Variants in SNTG2 observed in about 807,000 individuals in gnomAD.
The protein encoded by SNTG2 is syntrophin gamma 2, also known as gamma-2-syntrophin.
Under a neutral mutation model 70.9 loss-of-function variants are expected in SNTG2, and 74 were observed. The observed-to-expected ratio is 1.04, with a 90% confidence interval of 0.86 to 1.27. SNTG2 has a LOEUF of 1.27. Among genes scored for constraint, SNTG2 ranks in the 50% most tolerant of loss-of-function variants. The pLI is 0.00. For missense variants in SNTG2, 717 were observed against 690.7 expected (o/e 1.04, Z -0.43); for synonymous variants, 278 against 273.8 (o/e 1.02, Z -0.15).
chr2:1,274,856 G>A (rs1679206074), intron 14 of SNTG2, among the ~76,000 whole-genome samples: 1 of 152,214 alleles, frequency 6.6e-6, no homozygotes. Flanking sequence ...TAGTGTTGCT[G>A]TAACAGAATA....
At chr2:979,641 C>T (rs1484903173) in intron 1 of SNTG2, among the ~76,000 whole-genome samples, 4 of 152,176 alleles carry the variant, frequency 2.6e-5, no homozygotes, top group African/African-American at 9.7e-5. Flanking sequence ...AAAGTTGCTT[C>T]ATTGTCTCTG....
At chr2:1,256,792 C>G (rs1250449807) in intron 12 of SNTG2, among the ~76,000 whole-genome samples, 1 of 152,050 alleles carries the variant, frequency 6.6e-6, no homozygotes, top group Non-Finnish European at 1.5e-5. Context: ...GTCACCTGAG[C>G]TGCGTGTCAG....
chr2:1,155,968 G>A (rs1669867004), intron 6 of SNTG2, among the ~76,000 whole-genome samples: 2 of 152,136 alleles, frequency 1.3e-5, no homozygotes, highest in South Asian at 4.1e-4. Flanking sequence ...CAGACAGAGG[G>A]GACACCCAGA....
At chr2:1,084,990 C>A (rs1572393728) in intron 2 of SNTG2, among the ~76,000 whole-genome samples, 1 of 152,190 alleles carries the variant, frequency 6.6e-6, no homozygotes, top group African/African-American at 2.4e-5. Context: ...TTGGGGGAGA[C>A]ACAGACATCC....
At chr2:1,162,539 G>T (rs1004715493) in intron 6 of SNTG2, among the ~76,000 whole-genome samples, 1 of 152,126 alleles carries the variant, frequency 6.6e-6, no homozygotes, top group Non-Finnish European at 1.5e-5. Context: ...TCACTTGCTG[G>T]GAGGTGGCTG....
chr2:1,337,866 G>T (rs1176986007), intron 16 of SNTG2, among the ~76,000 whole-genome samples: 1 of 151,898 alleles, frequency 6.6e-6, no homozygotes, highest in African/African-American at 2.4e-5. Context: ...ATTCATTTGG[G>T]GTTAATTTTT....
chr2:1,154,652 C>T (rs900598665), intron 6 of SNTG2, among the ~76,000 whole-genome samples: 1 of 152,064 alleles, frequency 6.6e-6, no homozygotes, highest in African/African-American at 2.4e-5. Context: ...TCATCAAATA[C>T]CACCGCATGT....
intron 1 of SNTG2, among the ~76,000 whole-genome samples, chr2:1,067,898 G>T (rs947852625): frequency 1.1e-4 from 16 of 152,270 alleles, no homozygotes; most frequent in Non-Finnish European, 4.4e-5. Flanking sequence ...GGGAGGAAGT[G>T]CAGGCTTATG....
intron 4 of SNTG2, among the ~76,000 whole-genome samples, chr2:1,129,730 T>C (rs1442180755): frequency 6.6e-6 from 1 of 152,208 alleles, no homozygotes; most frequent in Non-Finnish European, 1.5e-5. Context: ...CTGGTTGTCA[T>C]GGTGTTGAGT....
intron 1 of SNTG2, among the ~76,000 whole-genome samples, chr2:975,309 C>G (rs934632539): frequency 1.3e-5 from 2 of 151,376 alleles, no homozygotes; most frequent in African/African-American, 4.9e-5. Flanking sequence ...TGAGCAAACA[C>G]TATACATTTG....
In SNTG2 at chr2:1,278,495, T is replaced by TA. The variant is rs145428706; in HGVS notation, c.1284+10925dup. On this transcript the variant is annotated intron_variant, in intron 14 of 16. Transcript: ENST00000308624. ...TGGAGGACAGGAGGTGCTAGTGAGG[T>TA]ATGTTGTTACCTGACCATCTGCTAA... is the stretch of plus-strand genomic sequence containing the variant. 4.9e-4 allele frequency among the ~76,000 whole-genome samples: 75 copies of TA among 152,288 alleles called. 1 individual carries two copies. In the East Asian group the frequency reaches 0.014, roughly 29 times the overall value.
intron 13 of SNTG2, among the ~76,000 whole-genome samples, chr2:1,263,451 C>A (rs1319181210): frequency 6.6e-6 from 1 of 151,386 alleles, no homozygotes; most frequent in Non-Finnish European, 1.5e-5. Flanking sequence ...ATAATTGTTT[C>A]ATAATAAATA....
intron 6 of SNTG2, among the ~76,000 whole-genome samples, chr2:1,146,141 C>T (rs1669087496): frequency 6.6e-6 from 1 of 152,066 alleles, no homozygotes; most frequent in Non-Finnish European, 1.5e-5. Context: ...AGATCAGGAA[C>T]AATACAAGGA....
intron 9 of SNTG2, among the ~76,000 whole-genome samples, chr2:1,227,199 C>T (rs1675847879): frequency 1.3e-5 from 2 of 152,208 alleles, no homozygotes; most frequent in Admixed American, 6.5e-5. Flanking sequence ...ACAACAAAAC[C>T]AAACCAAACA....
intron 7 of SNTG2, among the ~76,000 whole-genome samples, chr2:1,165,936 T>C (rs577131511): frequency 5.3e-5 from 8 of 152,302 alleles, no homozygotes; most frequent in Non-Finnish European, 7.4e-5. Context: ...TTTATCTATA[T>C]GTTAACGTAG....
intron 9 of SNTG2, among the ~76,000 whole-genome samples, chr2:1,231,854 A>G (rs1351037459): frequency 6.6e-6 from 1 of 152,130 alleles, no homozygotes; most frequent in Non-Finnish European, 1.5e-5. Context: ...ACTGAGTGCC[A>G]GGGCTGTTAG....
At chr2:1,073,917 A>T (rs13402403) in intron 1 of SNTG2, among the ~76,000 whole-genome samples, 2 of 152,218 alleles carry the variant, frequency 1.3e-5, no homozygotes, top group East Asian at 1.9e-4. Flanking sequence ...TTTTAAAAAG[A>T]TATTTTTCCT....
chr2:964,686 G>A (rs574888050), intron 1 of SNTG2, among the ~76,000 whole-genome samples: 1 of 152,288 alleles, frequency 6.6e-6, no homozygotes, highest in African/African-American at 2.4e-5. Flanking sequence ...GAAGTGCAGG[G>A]TCCTCGAGAC....
At chr2:1,083,763 G>A (rs772834520) in intron 2 of SNTG2, 108 bp downstream of exon 2, 75 of 1,245,330 alleles carry the variant, frequency 6.0e-5, no homozygotes, top group Non-Finnish European at 7.5e-5. Context: ...GCTGCTACTC[G>A]TTATTTAAAT....
Sources: allele counts gnomAD v4.1 joint callset (sites outside exome capture counted in the v4.1 genomes callset), GRCh38; gene constraint gnomAD v4.1.1; transcripts MANE v1.5; gene names NCBI Gene and HGNC (gene_info 2026-07-23, HGNC 2026-07-21).